Variants in HIPK2 observed in about 807,000 individuals in gnomAD.
HIPK2 encodes the protein homeodomain-interacting protein kinase 2.
Under a neutral mutation model 113.7 loss-of-function variants are expected in HIPK2, and 27 were observed. The ratio of observed to expected loss-of-function variants is 0.24; its 90% confidence interval spans 0.17 to 0.33. The LOEUF is 0.33. Among genes scored for constraint, HIPK2 ranks in the 10% least tolerant of loss-of-function variants. HIPK2 has a pLI of 1.00. For missense variants in HIPK2, 1,257 were observed against 1,588.0 expected, an observed-to-expected ratio of 0.79 and a Z score of 3.54; for synonymous variants, 631 against 642.2, an observed-to-expected ratio of 0.98 and a Z score of 0.26.
At chr7:139,713,211 C>T (rs1795122590) in intron 2 of HIPK2, among the ~76,000 whole-genome samples, 1 of 152,136 alleles carries the variant, frequency 6.6e-6, no homozygotes, top group African/African-American at 2.4e-5. Context: ...AGCAAACCAG[C>T]CTACCACACC....
chr7:139,641,469 A>G (rs1374433180), intron 2 of HIPK2, among the ~76,000 whole-genome samples: 2 of 151,932 alleles, frequency 1.3e-5, no homozygotes, highest in Non-Finnish European at 2.9e-5. Flanking sequence ...CTTTTATTTC[A>G]TCTCACATGA....
At position 139,631,722 on chromosome 7, in the gene HIPK2, G is replaced by A; in HGVS notation, c.1107C>T (p.Ala369=). 1 of 1,612,094 alleles carries A rather than the reference G, an allele frequency of 6.2e-7. No homozygotes were observed. ...ATGGTAAACCAAGGATGATCTCAGG[G>A]GCCCTGAAAAGGAAGAATGGAAGAA... The part of the protein sequence containing the change: ...STYLQSRYYR[A]PEIILGLPFC... The change falls in exon 3 of 15, where the codon GCC becomes GCT. Residue 369 remains alanine (A), a synonymous_variant. Transcript: ENST00000406875. The surrounding 1 kb of genome is among the most constrained non-coding windows in gnomAD (Gnocchi z 4.9).
rs560761943 is a variant in HIPK2 at position 139,750,474 on chromosome 7, ACACACATAGG to A, written c.19+27121_19+27130del. Among the ~76,000 whole-genome samples, 64 of 152,384 alleles carry A rather than the reference ACACACATAGG, an allele frequency of 4.2e-4. 1 individual carries two copies. In the South Asian group the frequency reaches 0.013, roughly 31 times the overall value. On this transcript the variant is annotated intron_variant, in intron 1 of 14. Coordinates refer to ENST00000406875, the MANE Select transcript of HIPK2 (RefSeq NM_022740.5). Reference sequence around the variant, plus strand: ...TATTCATAAATATACAGATATATTTACACACATAGGCACACACATGCGTGAACACGCCAGT... The same window carrying A: ...TATTCATAAATATACAGATATATTTACACACACATGCGTGAACACGCCAGT...
intron 2 of HIPK2, among the ~76,000 whole-genome samples, chr7:139,680,043 C>T (rs985455240): frequency 2.0e-5 from 3 of 152,028 alleles, no homozygotes; most frequent in African/African-American, 7.2e-5. Flanking sequence ...ACAAGGAGGC[C>T]GGAAGGCCGG....
intron 12 of HIPK2, among the ~76,000 whole-genome samples, chr7:139,596,055 C>T (rs1296738459): frequency 2.0e-5 from 3 of 152,212 alleles, no homozygotes; most frequent in Non-Finnish European, 4.4e-5. Context: ...TTGCTCAGAA[C>T]CTGAGCTGAG....
chr7:139,775,216 G>A (rs1796720011), intron 1 of HIPK2, among the ~76,000 whole-genome samples: 1 of 152,192 alleles, frequency 6.6e-6, no homozygotes, highest in Admixed American at 6.5e-5. Flanking sequence ...CATGCACACA[G>A]GGAGTCCATG....
At chr7:139,728,408 C>G (rs545173901) in intron 1 of HIPK2, among the ~76,000 whole-genome samples, 13 of 152,332 alleles carry the variant, frequency 8.5e-5, no homozygotes, top group Admixed American at 2.0e-4. Flanking sequence ...GTCAGCAGGG[C>G]TGGTTCCTTC....
intron 2 of HIPK2, among the ~76,000 whole-genome samples, chr7:139,654,964 C>T (rs1801604074): frequency 6.6e-6 from 1 of 152,208 alleles, no homozygotes; most frequent in African/African-American, 2.4e-5. Context: ...TGCCAACACA[C>T]AATCTAGGAT....
intron 1 of HIPK2, among the ~76,000 whole-genome samples, chr7:139,726,992 G>C (rs1281511076): frequency 6.6e-6 from 1 of 152,180 alleles, no homozygotes; most frequent in Non-Finnish European, 1.5e-5. Context: ...ACAACAAAGA[G>C]GAAATGTTCT....
chr7:139,577,140 C>CTTTTTTTTT (rs966966045), intron 13 of HIPK2, among the ~76,000 whole-genome samples: 3 of 91,430 alleles, frequency 3.3e-5, no homozygotes, highest in African/African-American at 4.3e-5. Flanking sequence ...ACTGGGCTTC[C>CTTTTTTTTT]TTTTTTTTTT....
chr7:139,636,432 T>C (rs1376022095), intron 2 of HIPK2, among the ~76,000 whole-genome samples: 1 of 152,036 alleles, frequency 6.6e-6, no homozygotes, highest in African/African-American at 2.4e-5. Context: ...GGCATGTGAC[T>C]TTATTTAGGA....
At position 139,631,052 on chromosome 7, in the gene HIPK2, C is replaced by T. The variant is rs76469528; in HGVS notation, c.1347+113G>A. ...GCCATACCATGTATTAACAACAGCA[C>T]CCCCAGTGCCCTCATTTTGCTGACT... On this transcript the variant is annotated intron_variant, in intron 4 of 14. Transcript: ENST00000406875. This position sits in a 1 kb window ranked among gnomAD's most constrained non-coding sequence, Gnocchi z 4.9. 15,329 of 1,372,894 alleles carry T rather than the reference C, an allele frequency of 0.011. 99 individuals carry two copies. The highest frequency in any genetic ancestry group is 0.019 in the Middle Eastern group (84 of 4,460). The allele number at this position is 1,372,894 out of a possible 1,614,324, so 85.0% of individuals were successfully genotyped here. A position where few individuals can be genotyped will look rare whatever the true frequency, so the allele number is the denominator to read the frequency against.
chr7:139,604,923 C>T (rs1287985761), intron 9 of HIPK2, among the ~76,000 whole-genome samples: 1 of 152,070 alleles, frequency 6.6e-6, no homozygotes, highest in South Asian at 2.1e-4. Context: ...GACCGCTGGC[C>T]CTCAAGAAGC....
chr7:139,663,876 T>A lies in HIPK2; in HGVS notation c.1104-32151A>T, dbSNP rs543017160. ...CTGCTTTCCCGAAGCCCACCCATAA[T>A]GCCGGCCCACGAGTCTTCCTTCACC... On this transcript the variant is annotated intron_variant, in intron 2 of 14. Coordinates refer to ENST00000406875, the MANE Select transcript of HIPK2 (RefSeq NM_022740.5). Among the ~76,000 whole-genome samples the A allele has an allele frequency of 2.4e-4, 36 of 152,316 alleles. No individual in the cohort carries two copies. In the South Asian group the frequency reaches 7.3e-3, roughly 31 times the overall value.
intron 10 of HIPK2, among the ~76,000 whole-genome samples, chr7:139,601,947 TTC>T (rs1412526927): frequency 2.0e-5 from 3 of 147,422 alleles, no homozygotes; most frequent in African/African-American, 2.5e-5. Flanking sequence ...ATATTATGGC[TTC>T]TTTTTTTTTT....
At chr7:139,641,582 G>A (rs557811647) in intron 2 of HIPK2, among the ~76,000 whole-genome samples, 1 of 152,320 alleles carries the variant, frequency 6.6e-6, no homozygotes, top group South Asian at 2.1e-4. Flanking sequence ...AGGTCAGAGT[G>A]ATGCCCAGGG....
intron 7 of HIPK2, 43 bp downstream of exon 7, chr7:139,620,358 A>C (rs750653224): frequency 3.1e-6 from 5 of 1,609,606 alleles, no homozygotes; most frequent in African/African-American, 1.3e-5. Context: ...TGAGGCTCAC[A>C]CTGTGCAGCC....
intron 1 of HIPK2, among the ~76,000 whole-genome samples, chr7:139,745,524 C>T (rs948902911): frequency 2.0e-5 from 3 of 152,148 alleles, no homozygotes; most frequent in African/African-American, 4.8e-5. Flanking sequence ...AGTTGGGGGT[C>T]TTTTTATTGC....
chr7:139,665,276 C>T (rs1207204917), intron 2 of HIPK2, among the ~76,000 whole-genome samples: 1 of 152,158 alleles, frequency 6.6e-6, no homozygotes, highest in Non-Finnish European at 1.5e-5. Flanking sequence ...TGGGCTCAAG[C>T]AATCCTCCTG....
Sources: gnomAD v4.1 joint callset for allele counts (sites outside exome capture counted in the v4.1 genomes callset) on GRCh38, gnomAD v4.1.1 for gene constraint, Gnocchi (gnomAD v3.1) non-coding constraint, MANE v1.5 for transcripts, NCBI Gene and HGNC (gene_info 2026-07-23, HGNC 2026-07-21) for gene names.